Variants in FGD1 observed in about 807,000 individuals in gnomAD.
The protein encoded by FGD1 is FYVE, RhoGEF and PH domain-containing protein 1.
FGD1 carries 12 observed loss-of-function variants against 65.0 expected under a neutral mutation model. The observed-to-expected ratio is 0.18, with a 90% CI of 0.12 to 0.30. The LOEUF is 0.30. FGD1 is among the 10% of genes least tolerant of loss of function. The pLI, the probability that FGD1 is intolerant of heterozygous loss-of-function variation, is 1.00. For missense variants in FGD1, 542 were observed against 837.6 expected (o/e 0.65, Z 4.36); for synonymous variants, 333 against 343.9 (o/e 0.97, Z 0.35).
intron 8 of FGD1, among the ~76,000 whole-genome samples, chrX:54,458,617 A>G (rs1569541113): frequency 9.6e-6 from 1 of 104,568 alleles, no homozygotes; most frequent in African/African-American, 3.5e-5. Flanking sequence ...AGCTTCCTAC[A>G]CCTCCCTAAA....
At chrX:54,479,511 GTGTTCTGCT>G (rs1300739544) in intron 1 of FGD1, among the ~76,000 whole-genome samples, 1 of 110,812 alleles carries the variant, frequency 9.0e-6, no homozygotes, top group Non-Finnish European at 1.9e-5. Context: ...GAGAAAACGT[GTGTTCTGCT>G]TGTTGTGAGC....
intron 1 of FGD1, among the ~76,000 whole-genome samples, chrX:54,481,873 G>C (rs1388142844): frequency 1.8e-5 from 2 of 109,824 alleles, no homozygotes; most frequent in African/African-American, 6.6e-5. Flanking sequence ...AGAAGGATCA[G>C]GAAAGGCCAA....
intron 1 of FGD1, among the ~76,000 whole-genome samples, chrX:54,484,099 C>T (rs752427177): frequency 3.1e-3 from 351 of 112,128 alleles, no homozygotes; most frequent in Non-Finnish European, 4.7e-3. Context: ...CCCCGCCCCA[C>T]GATCCAGCCA....
intron 8 of FGD1, among the ~76,000 whole-genome samples, chrX:54,457,970 G>A (rs1251068720): frequency 8.9e-6 from 1 of 112,122 alleles, no homozygotes. Context: ...AGGAGCAGAG[G>A]TGCTTCTGAA....
intron 1 of FGD1, among the ~76,000 whole-genome samples, chrX:54,490,392 A>G (rs1923387364): frequency 8.9e-6 from 1 of 112,172 alleles, no homozygotes; most frequent in Non-Finnish European, 1.9e-5. Flanking sequence ...TTATGCAGTC[A>G]TTAAAATGTT....
chrX:54,487,499 A>G (rs1180551938), intron 1 of FGD1, among the ~76,000 whole-genome samples: 1 of 112,830 alleles, frequency 8.9e-6, no homozygotes, highest in Non-Finnish European at 1.9e-5. Flanking sequence ...AGGAAGACTC[A>G]ATATTGTTCA....
chrX:54,478,629 G>A (rs1923072261), intron 1 of FGD1, among the ~76,000 whole-genome samples: 1 of 110,884 alleles, frequency 9.0e-6, no homozygotes, highest in Non-Finnish European at 1.9e-5. Flanking sequence ...TCTTTATCTG[G>A]AAAGAAGGAC....
At chrX:54,454,457 C>A (rs1341077100) in intron 12 of FGD1, among the ~76,000 whole-genome samples, 2 of 110,813 alleles carry the variant, frequency 1.8e-5, no homozygotes, top group African/African-American at 3.3e-5. Context: ...CGAAACCAGC[C>A]TGGCCAACAT....
rs767928682 is a variant in FGD1, at chrX:54,446,242, C to T, written c.2753G>A (p.Arg918Gln). The T allele has an allele frequency of 1.3e-5, 16 of 1,211,910 alleles. No individual in the cohort carries two copies. The highest frequency in any genetic ancestry group is 1.7e-5 in the Non-Finnish European group (15 of 895,454). The change falls in exon 18 of 18, where the codon CGG (arginine) becomes CAG (glutamine). Residue 918 changes from arginine (R) to glutamine (Q), a missense_variant. By Grantham distance (43) the Arg-to-Gln change is conservative. This residue lies in a region of FGD1 where 182 missense variants were observed against 311.4 expected (regional missense o/e 0.58). Coordinates refer to ENST00000375135, the MANE Select transcript of FGD1 (RefSeq NM_004463.3). ...GCAGAACGTGTCCCCTCGGCCCGCC[C>T]GGCCAAGCACAGCCATCCAGCGTCG... ...LQRRWMAVLG[R>Q]AGRGDTFCPG... is the part of the protein sequence containing the mutation.
At chrX:54,491,477 G>A (rs1923411474) in intron 1 of FGD1, among the ~76,000 whole-genome samples, 1 of 112,393 alleles carries the variant, frequency 8.9e-6, no homozygotes, top group African/African-American at 3.2e-5. Context: ...TGAGTTGACA[G>A]AAGCCCACAT....
chrX:54,447,168 G>A (rs1229064448), intron 17 of FGD1, 143 bp downstream of exon 17: 1 of 638,820 alleles, frequency 1.6e-6, no homozygotes. Context: ...TGTCTCTCAA[G>A]GGTTGGGGTT....
chrX:54,477,629 A>G (rs749753980), intron 1 of FGD1, among the ~76,000 whole-genome samples: 4 of 108,872 alleles, frequency 3.7e-5, no homozygotes, highest in African/African-American at 1.0e-4. Flanking sequence ...GGGTTTCACC[A>G]TGTTAGCCAG....
At chrX:54,457,618 G>T (rs1003893374) in intron 8 of FGD1, among the ~76,000 whole-genome samples, 5 of 111,346 alleles carry the variant, frequency 4.5e-5, no homozygotes, top group Admixed American at 9.6e-5. Flanking sequence ...GGTGTTTTAA[G>T]AAAAGGATAC....
chrX:54,450,037 C>T (rs1339941689), intron 13 of FGD1, among the ~76,000 whole-genome samples: 1 of 111,295 alleles, frequency 9.0e-6, no homozygotes. Context: ...AGCTTGACAC[C>T]CTCACCTTAT....
At chrX:54,494,333 C>T (rs1002448803) in intron 1 of FGD1, among the ~76,000 whole-genome samples, 2 of 109,180 alleles carry the variant, frequency 1.8e-5, no homozygotes, top group Admixed American at 2.0e-4. Flanking sequence ...CCTTCTACTC[C>T]TTCCTTCCCT....
At chrX:54,450,866 T>C (rs1922358740) in intron 12 of FGD1, among the ~76,000 whole-genome samples, 1 of 110,748 alleles carries the variant, frequency 9.0e-6, no homozygotes, top group Admixed American at 9.6e-5. Context: ...CCGGCCAACA[T>C]GGTGAAATTC....
intron 6 of FGD1, 50 bp downstream of exon 6, chrX:54,467,734 G>C (rs780620860): frequency 3.5e-6 from 4 of 1,145,426 alleles, no homozygotes; most frequent in Non-Finnish European, 4.7e-6. Context: ...GTCTGGGCTC[G>C]GCAGGCAGGT....
chrX:54,488,065 A>C (rs1178714637), intron 1 of FGD1, among the ~76,000 whole-genome samples: 2 of 106,827 alleles, frequency 1.9e-5, no homozygotes, highest in African/African-American at 3.4e-5. Flanking sequence ...GGAGTTCAAG[A>C]CCAGCCTGGC....
chrX:54,490,566 T>C (rs181927486), intron 1 of FGD1, among the ~76,000 whole-genome samples: 1 of 111,100 alleles, frequency 9.0e-6, no homozygotes, highest in African/African-American at 3.3e-5. Context: ...CAGACCAAAA[T>C]ATTAAAAGTG....
Sources: gnomAD v4.1 joint callset for allele counts (sites outside exome capture counted in the v4.1 genomes callset) on GRCh38, gnomAD v4.1.1 for gene constraint, gnomAD v4.1.1 regional missense constraint, MANE v1.5 for transcripts, NCBI Gene and HGNC (gene_info 2026-07-23, HGNC 2026-07-21) for gene names.